AVEN: variants seen among roughly 807,000 people sequenced by gnomAD.
AVEN encodes cell death regulator Aven.
A neutral mutation model predicts 38.1 loss-of-function variants in AVEN; 41 were observed. The observed-to-expected ratio is 1.08, with a 90% CI of 0.84 to 1.40. AVEN has a LOEUF of 1.40. AVEN is among the 40% of genes most tolerant of loss of function. The pLI, the probability that AVEN is intolerant of heterozygous loss-of-function variation, is 0.00. For missense variants in AVEN, 605 were observed against 438.8 expected (o/e 1.38, Z -3.38); for synonymous variants, 206 against 171.8 (o/e 1.20, Z -1.56).
At chr15:34,037,122 A>T (rs76563931) in intron 1 of AVEN, among the ~76,000 whole-genome samples, 73,961 of 150,824 alleles carry the variant, frequency 0.49, 21,034 homozygotes, top group Non-Finnish European at 0.64. Flanking sequence ...AAAAAAAAAA[A>T]AAATATATAC....
At chr15:33,936,655 T>A (rs1036767827) in intron 2 of AVEN, among the ~76,000 whole-genome samples, 1 of 152,118 alleles carries the variant, frequency 6.6e-6, no homozygotes, top group African/African-American at 2.4e-5. Context: ...TGTGCATGAG[T>A]GATTTAATCA....
intron 2 of AVEN, among the ~76,000 whole-genome samples, 165 bp from the exon 3 acceptor site, chr15:33,876,160 A>G (rs924864517): frequency 6.6e-5 from 10 of 152,128 alleles, no homozygotes; most frequent in Non-Finnish European, 4.4e-5. Flanking sequence ...CCAAAATTAC[A>G]AAACACACAG....
chr15:33,861,502 CAAAG>C (rs1888206987), downstream of AVEN, among the ~76,000 whole-genome samples: 1 of 149,840 alleles, frequency 6.7e-6, no homozygotes, highest in African/African-American at 2.5e-5. Context: ...TAATCCTAAA[CAAAG>C]AAAAATCTGT....
chr15:34,042,013 C>T (rs1205080652), upstream of AVEN, among the ~76,000 whole-genome samples: 1 of 152,132 alleles, frequency 6.6e-6, no homozygotes, highest in East Asian at 1.9e-4. Context: ...CTGAGGTCCC[C>T]CTTCTAGCAC....
chr15:33,959,505 C>T (rs1319774529), intron 2 of AVEN, among the ~76,000 whole-genome samples: 2 of 152,114 alleles, frequency 1.3e-5, no homozygotes, highest in African/African-American at 4.8e-5. Flanking sequence ...TAGCCATAGC[C>T]CTCCGAGCAC....
At chr15:34,042,750 T>C (rs1471379888), upstream of AVEN, among the ~76,000 whole-genome samples, 2 of 152,082 alleles carry the variant, frequency 1.3e-5, no homozygotes, top group Non-Finnish European at 2.9e-5. Context: ...CTTAAGGTAG[T>C]TGTTCTCAAA....
chr15:34,050,974 C>T (rs1375849120), intron 5 of AVEN, among the ~76,000 whole-genome samples: 1 of 152,120 alleles, frequency 6.6e-6, no homozygotes, highest in Non-Finnish European at 1.5e-5. Flanking sequence ...TATTCAGGAC[C>T]TGAACTCAGT....
chr15:33,931,779 A>G (rs1893863117), intron 2 of AVEN, among the ~76,000 whole-genome samples: 1 of 152,222 alleles, frequency 6.6e-6, no homozygotes, highest in Admixed American at 6.5e-5. Context: ...ATTAGAATTC[A>G]CATAGTAAGC....
chr15:34,054,415 CAT>C (rs1900052034), intron 5 of AVEN, among the ~76,000 whole-genome samples: 1 of 152,074 alleles, frequency 6.6e-6, no homozygotes, highest in African/African-American at 2.4e-5. Flanking sequence ...ATAGCAAAGA[CAT>C]AGAATCAATC....
At chr15:33,931,606 G>A (rs962142707) in intron 2 of AVEN, among the ~76,000 whole-genome samples, 6 of 151,972 alleles carry the variant, frequency 3.9e-5, no homozygotes, top group South Asian at 4.1e-4. Flanking sequence ...TCCTGACCTC[G>A]TGATCTGCCC....
intron 2 of AVEN, among the ~76,000 whole-genome samples, chr15:33,962,125 G>A (rs1895213214): frequency 6.6e-6 from 1 of 151,926 alleles, no homozygotes. Context: ...CATGTAAGTG[G>A]CAGAGACAGG....
chr15:33,888,080 C>T (rs1443688603), intron 2 of AVEN, among the ~76,000 whole-genome samples: 2 of 151,916 alleles, frequency 1.3e-5, no homozygotes, highest in Non-Finnish European at 2.9e-5. Flanking sequence ...GTGACAGCAA[C>T]AAAACCTTAA....
intron 2 of AVEN, among the ~76,000 whole-genome samples, chr15:34,070,194 G>A (rs922779286): frequency 6.6e-6 from 1 of 152,082 alleles, no homozygotes; most frequent in African/African-American, 2.4e-5. Flanking sequence ...TTACTATCAC[G>A]AGAACAGCAC....
intron 2 of AVEN, 148 bp downstream of exon 2, chr15:34,002,884 C>T: frequency 1.4e-6 from 1 of 727,110 alleles, no homozygotes; most frequent in Non-Finnish European, 2.1e-6. Flanking sequence ...CCTTACAAGC[C>T]ATTAGAAACA....
intron 2 of AVEN, among the ~76,000 whole-genome samples, chr15:33,984,864 C>G (rs1896355977): frequency 6.6e-6 from 1 of 152,126 alleles, no homozygotes; most frequent in Non-Finnish European, 1.5e-5. Flanking sequence ...TTCACTCATT[C>G]AGCAAGCTCT....
upstream of AVEN, among the ~76,000 whole-genome samples, chr15:34,043,079 C>G (rs1367721676): frequency 6.6e-6 from 1 of 151,952 alleles, no homozygotes; most frequent in Non-Finnish European, 1.5e-5. Context: ...AACCCCGTCT[C>G]TACTGAAAAT....
At chr15:33,982,998 T>C (rs1485380523) in intron 2 of AVEN, among the ~76,000 whole-genome samples, 2 of 144,984 alleles carry the variant, frequency 1.4e-5, no homozygotes, top group Admixed American at 6.8e-5. Flanking sequence ...ACCTCTTAAC[T>C]GCATGGACCA....
At chr15:33,889,716 T>C (rs1230970472) in intron 2 of AVEN, among the ~76,000 whole-genome samples, 3 of 152,220 alleles carry the variant, frequency 2.0e-5, no homozygotes, top group Non-Finnish European at 4.4e-5. Flanking sequence ...ACAGAGTAAT[T>C]TGAATTTTTA....
At chr15:33,873,088 C>CCTTTT (rs1269667447) in intron 3 of AVEN, among the ~76,000 whole-genome samples, 20 of 140,314 alleles carry the variant, frequency 1.4e-4, no homozygotes, top group African/African-American at 5.6e-4. Flanking sequence ...TTCTACTTTT[C>CCTTTT]CTTTTCTTTT....
Sources: gnomAD v4.1 joint callset for allele counts (sites outside exome capture counted in the v4.1 genomes callset) on GRCh38, gnomAD v4.1.1 for gene constraint, MANE v1.5 for transcripts, NCBI Gene and HGNC (gene_info 2026-07-23, HGNC 2026-07-21) for gene names.